The following GPR137B variants were observed in gnomAD, a reference collection of about 807,000 sequenced individuals.
The protein encoded by GPR137B is G protein-coupled receptor 137B, also known as integral membrane protein GPR137B.
GPR137B carries 42 observed loss-of-function variants against 42.5 expected under a neutral mutation model. That is an observed-to-expected ratio of 0.99 (90% CI 0.77 to 1.28). The LOEUF (loss-of-function observed/expected upper bound fraction) is 1.28. GPR137B is among the 50% of genes most tolerant of loss of function. GPR137B has a pLI of 0.00. For synonymous variants in GPR137B, 218 were observed against 209.7 expected (o/e 1.04, Z -0.34); for missense variants, 487 against 493.9 (o/e 0.99, Z 0.13).
chr1:236,167,439 G>A (rs939414550), intron 1 of GPR137B, among the ~76,000 whole-genome samples: 1 of 152,024 alleles, frequency 6.6e-6, no homozygotes, highest in Non-Finnish European at 1.5e-5. Flanking sequence ...CCGCTTATAT[G>A]TGGAATCCAA....
chr1:236,205,431 G>A (rs753299064), intron 6 of GPR137B, among the ~76,000 whole-genome samples, 181 bp downstream of exon 6: 18 of 152,220 alleles, frequency 1.2e-4, no homozygotes, highest in African/African-American at 2.9e-4. Flanking sequence ...AAGGACATCC[G>A]GTTTTTTTAA....
At chr1:236,149,363 C>T (rs1333900101) in intron 1 of GPR137B, among the ~76,000 whole-genome samples, 2 of 152,144 alleles carry the variant, frequency 1.3e-5, no homozygotes, top group Non-Finnish European at 2.9e-5. Flanking sequence ...CCCAGCCAGG[C>T]GTGCAGAGGC....
At chr1:236,194,035 A>C (rs1032653617) in intron 5 of GPR137B, among the ~76,000 whole-genome samples, 1 of 152,176 alleles carries the variant, frequency 6.6e-6, no homozygotes, top group African/African-American at 2.4e-5. Flanking sequence ...AGAAACTATA[A>C]TTGAAATTTT....
chr1:236,149,782 G>A (rs1008268606), intron 1 of GPR137B, among the ~76,000 whole-genome samples: 5 of 152,386 alleles, frequency 3.3e-5, no homozygotes, highest in East Asian at 3.9e-4. Context: ...CCCTGGCACC[G>A]GCTCCCTGCG....
In GPR137B at chr1:236,142,799, C is replaced by T. The variant is rs1419791905; in HGVS notation, c.177C>T (p.Phe59=). 1 of 1,614,016 alleles carries T rather than the reference C, an allele frequency of 6.2e-7. No individual in the cohort carries two copies. The highest frequency in any genetic ancestry group is 8.5e-7 in the Non-Finnish European group (1 of 1,179,936). ...TGTTCTACGCGCTGCTCTTCGTGTT[C>T]ATCTACGTGCAGCTCTGGCTGGTGC... ...YTVFYALLFV[F]IYVQLWLVLR... is the part of the protein sequence containing the mutation. Residue 59 remains phenylalanine, a synonymous_variant, in exon 1 of 7, where the codon TTC becomes TTT. Coordinates refer to ENST00000366592, the MANE Select transcript of GPR137B (RefSeq NM_003272.4).
chr1:236,181,484 C>G (rs1032999672), intron 4 of GPR137B, among the ~76,000 whole-genome samples: 1 of 152,178 alleles, frequency 6.6e-6, no homozygotes. Context: ...AATGTAACTT[C>G]TCTATTATAC....
At chr1:236,154,365 C>T (rs528296060) in intron 1 of GPR137B, among the ~76,000 whole-genome samples, 2 of 152,244 alleles carry the variant, frequency 1.3e-5, no homozygotes, top group South Asian at 2.1e-4. Flanking sequence ...ACGGCTTTGA[C>T]AGCATATATT....
At chr1:236,176,529 C>T (rs895421307) in intron 2 of GPR137B, among the ~76,000 whole-genome samples, 2 of 152,154 alleles carry the variant, frequency 1.3e-5, no homozygotes, top group Non-Finnish European at 2.9e-5. Flanking sequence ...ACTCTCTCAG[C>T]ACGAGCCTGA....
intron 4 of GPR137B, 48 bp from the exon 5 acceptor site, chr1:236,183,729 TA>T (rs778599662): frequency 7.0e-7 from 1 of 1,435,902 alleles, no homozygotes; most frequent in Admixed American, 1.9e-5. Context: ...CAATCAAATT[TA>T]TTTCCTCTTC....
Position 236,179,984 on chromosome 1 carries a change from A to G in GPR137B, c.793A>G (p.Ser265Gly). ...LFILSFSQNK[S>G]VHSFDYDWYN... Reference sequence around the variant, plus strand: ...CATCCTGTCATTTTCTCAGAACAAGAGCGTCCATTCCTTTGATTATGACTG... The same window carrying G: ...CATCCTGTCATTTTCTCAGAACAAGGGCGTCCATTCCTTTGATTATGACTG... Residue 265 changes from serine to glycine, a missense_variant, in exon 4 of 7, where the codon AGC becomes GGC. By Grantham distance (56) the Ser-to-Gly change is moderately conservative. Transcript: ENST00000366592. 3 of 1,613,828 alleles carry G rather than the reference A, an allele frequency of 1.9e-6. No individual in the cohort carries two copies. The highest frequency in any genetic ancestry group is 2.5e-6 in the Non-Finnish European group (3 of 1,179,748).
intron 1 of GPR137B, among the ~76,000 whole-genome samples, chr1:236,160,207 C>G (rs1024666811): frequency 6.6e-6 from 1 of 152,208 alleles, no homozygotes; most frequent in Non-Finnish European, 1.5e-5. Context: ...CTGCTCCCCT[C>G]CCCTGTCCTC....
chr1:236,160,523 G>A (rs533601450), intron 1 of GPR137B, among the ~76,000 whole-genome samples: 5 of 152,116 alleles, frequency 3.3e-5, no homozygotes, highest in East Asian at 3.9e-4. Context: ...TGCCCTTCTC[G>A]GGACCCAGGC....
At position 236,181,449 on chromosome 1, in the gene GPR137B, A is replaced by G. The variant is rs370390148; in HGVS notation, c.837+1421A>G. Among the ~76,000 whole-genome samples the G allele has an allele frequency of 3.4e-4, 52 of 152,326 alleles. No homozygotes were observed. In the East Asian group the frequency reaches 7.3e-3, roughly 21 times the overall value. ...ATGGTCCACTAAGGAAAAGAGACAC[A>G]CAGATTAGCCATTAACAATAAAGAA... is the stretch of plus-strand genomic sequence containing the variant. On this transcript the variant is annotated intron_variant, in intron 4 of 6. Transcript: ENST00000366592.
In GPR137B at chr1:236,142,552, C is replaced by T; in HGVS notation, c.-71C>T. On this transcript the variant is annotated 5_prime_UTR_variant, in exon 1 of 7. Transcript: ENST00000366592. Reference sequence around the variant, plus strand: ...GAAGTGCGGCTTGTTTTCTTTCCTCCAGTCTCGGGGCTGCAGGCTGAGCGC... The same window carrying T: ...GAAGTGCGGCTTGTTTTCTTTCCTCTAGTCTCGGGGCTGCAGGCTGAGCGC... 1 of 800,964 alleles carries T rather than the reference C, an allele frequency of 1.2e-6. No homozygotes were observed. The highest frequency in any genetic ancestry group is 1.7e-6 in the Non-Finnish European group (1 of 588,308). 49.6% of individuals were successfully genotyped at this position (800,964 alleles called of 1,614,324 possible). A position where few individuals can be genotyped will look rare whatever the true frequency, so the allele number is the denominator to read the frequency against.
intron 6 of GPR137B, among the ~76,000 whole-genome samples, chr1:236,205,453 A>AT (rs1663629146): frequency 6.6e-6 from 1 of 152,232 alleles, no homozygotes; most frequent in Non-Finnish European, 1.5e-5. Context: ...GCCCCATAGC[A>AT]TTATTGTATA....
intron 1 of GPR137B, among the ~76,000 whole-genome samples, chr1:236,158,349 C>T (rs1353887458): frequency 6.6e-6 from 1 of 152,128 alleles, no homozygotes; most frequent in African/African-American, 2.4e-5. Context: ...CGCTTGAACC[C>T]GGGAGACAAG....
chr1:236,194,938 T>G (rs906834427), intron 5 of GPR137B, among the ~76,000 whole-genome samples: 2 of 152,236 alleles, frequency 1.3e-5, no homozygotes, highest in Non-Finnish European at 2.9e-5. Context: ...CTATCTACTT[T>G]ATTCTGGCTA....
chr1:236,147,108 C>T (rs1045699861), intron 1 of GPR137B, among the ~76,000 whole-genome samples: 1 of 152,220 alleles, frequency 6.6e-6, no homozygotes, highest in Non-Finnish European at 1.5e-5. Flanking sequence ...TGTGCCTGGC[C>T]CATACTCCTT....
At chr1:236,167,107 C>T (rs1662381741) in intron 1 of GPR137B, among the ~76,000 whole-genome samples, 1 of 152,122 alleles carries the variant, frequency 6.6e-6, no homozygotes, top group African/African-American at 2.4e-5. Context: ...GTCTTCTTTC[C>T]CCGCCCCGGC....
Sources: allele counts gnomAD v4.1 joint callset (sites outside exome capture counted in the v4.1 genomes callset), GRCh38; gene constraint gnomAD v4.1.1; transcripts MANE v1.5; gene names NCBI Gene and HGNC (gene_info 2026-07-23, HGNC 2026-07-21).